Variants in HOMER3 observed in about 807,000 individuals in gnomAD.
HOMER3 encodes homer scaffold protein 3, also known as homer protein homolog 3.
In HOMER3, 34 loss-of-function variants were observed where a neutral mutation model predicts 45.5. The observed-to-expected ratio is 0.75, with a 90% CI of 0.57 to 1.00. The LOEUF (loss-of-function observed/expected upper bound fraction) is 1.00, where lower values mean the gene tolerates loss of function less well. Ranked by LOEUF, HOMER3 falls within the 50% of genes least tolerant of loss-of-function variation. HOMER3 has a pLI of 0.00. For missense variants in HOMER3, 480 were observed against 497.5 expected (o/e 0.96, Z 0.33); for synonymous variants, 223 against 208.8 (o/e 1.07, Z -0.58).
intron 1 of HOMER3, 199 bp from the exon 2 acceptor site, chr19:18,939,248 T>C (rs772001193): frequency 6.1e-5 from 28 of 460,062 alleles, no homozygotes; most frequent in Non-Finnish European, 1.0e-4. Context: ...GAGACCATCC[T>C]GAGCAACATG....
intron 8 of HOMER3, 41 bp from the exon 9 acceptor site, chr19:18,931,452 G>A (rs1237089174): frequency 6.2e-7 from 1 of 1,612,472 alleles, no homozygotes; most frequent in Non-Finnish European, 8.5e-7. Context: ...CGGGGGTCCT[G>A]GCTTTCCCAC....
intron 5 of HOMER3, 71 bp downstream of exon 5, chr19:18,934,232 C>T: frequency 1.1e-6 from 1 of 877,588 alleles, no homozygotes; most frequent in Non-Finnish European, 1.6e-6. Flanking sequence ...ATCAAGGTCC[C>T]CCAATATCAG....
At chr19:18,931,263 C>T in intron 9 of HOMER3, 62 bp downstream of exon 9, 2 of 1,384,560 alleles carry the variant, frequency 1.4e-6, no homozygotes, top group Non-Finnish European at 2.0e-6. Flanking sequence ...AGATATTGTC[C>T]TGAGTGTCTG....
At chr19:18,933,126 G>A in intron 5 of HOMER3, 81 bp from the exon 6 acceptor site, 2 of 1,394,590 alleles carry the variant, frequency 1.4e-6, no homozygotes, top group Non-Finnish European at 9.3e-7. Flanking sequence ...TCACATCGGG[G>A]GTGCAATTGA....
rs771625826 is a variant in HOMER3 at position 18,932,944 on chromosome 19, T to C, written c.513A>G (p.Leu171=). Residue 171 remains leucine (L), a synonymous_variant, in exon 6 of 10, where the codon CTA becomes CTG. Coordinates refer to ENST00000392351, the MANE Select transcript of HOMER3 (RefSeq NM_004838.4). ...CTCACCCCTCAGACAACATCTTCTT[T>C]AGCCGCTCGCGCTCTGTGGGGCCGG... ...DAPGPTERER[L]KKMLSEGSVG... 4.2e-6 allele frequency: 6 copies of C among 1,426,686 alleles called. No homozygotes were observed. The highest frequency in any genetic ancestry group is 2.8e-5 in the East Asian group (1 of 36,228). 88.4% of individuals were successfully genotyped at this position (1,426,686 alleles called of 1,614,324 possible).
Position 18,934,871 on chromosome 19 carries a change from G to GTTT in HOMER3, c.304-464_304-462dup, listed in dbSNP as rs578069119. On this transcript the variant is annotated intron_variant, in intron 4 of 9. Coordinates refer to ENST00000392351, the MANE Select transcript of HOMER3 (RefSeq NM_004838.4). ...CAGAATGGCCCTTTTCCTGTTTTTT[G>GTTT]TTTTTTTTTTTTTTGAGATGGAGTC... Among the ~76,000 whole-genome samples, 464 of 121,756 alleles carry GTTT rather than the reference G, an allele frequency of 3.8e-3. 3 individuals carry two copies. Among genetic ancestry groups the GTTT allele is most frequent in the Admixed American group, 8.3e-3 (85 of 10,300 alleles). 79.9% of individuals were successfully genotyped at this position (121,756 alleles called of 152,430 possible). A position where few individuals can be genotyped will look rare whatever the true frequency, so the allele number is the denominator to read the frequency against.
In HOMER3 at chr19:18,933,054, G is replaced by A. The variant is rs377454855; in HGVS notation, c.412-9C>T. 9.5e-5 allele frequency: 142 copies of A among 1,488,678 alleles called. No homozygotes were observed. The African/African-American group carries it at 1.2e-3, about 12-fold the overall frequency. The allele number at this position is 1,488,678 out of a possible 1,614,324, so 92.2% of individuals were successfully genotyped here. ...AGAGGGCTCGGGGGCACCTAGGCACGGGGAAAAGAATAGGTCACGACCCCA... is the reference window on the plus strand; with the variant it reads ...AGAGGGCTCGGGGGCACCTAGGCACAGGGAAAAGAATAGGTCACGACCCCA... On this transcript the variant is annotated splice_polypyrimidine_tract_variant and intron_variant, in intron 5 of 9. Coordinates refer to ENST00000392351, the MANE Select transcript of HOMER3 (RefSeq NM_004838.4).
chr19:18,934,230 C>G, intron 5 of HOMER3, 73 bp downstream of exon 5: 2 of 835,390 alleles, frequency 2.4e-6, no homozygotes, highest in Non-Finnish European at 1.7e-6. Context: ...ATATCAAGGT[C>G]CCCCAATATC....
In HOMER3 at chr19:18,929,414, G is replaced by A. The variant is rs369173513; in HGVS notation, c.*29C>T. ...TGCAGCCTGGCCCGCATCCCAGGCC[G>A]GAATCGTTCATAGAAAACCAGCCCC... On this transcript the variant is annotated 3_prime_UTR_variant, in exon 10 of 10. Transcript: ENST00000392351. 2,508 of 1,585,086 alleles carry A rather than the reference G, an allele frequency of 1.6e-3. 4 individuals are homozygous for A. Among genetic ancestry groups the A allele is most frequent in the Non-Finnish European group, 2.0e-3 (2,362 of 1,169,356 alleles).
rs188430538 is a variant in HOMER3, at chr19:18,935,005, C to T, written c.304-595G>A. 2.0e-5 allele frequency among the ~76,000 whole-genome samples: 3 copies of T among 151,846 alleles called. No homozygotes were observed. The East Asian group carries it at 5.8e-4, about 29-fold the overall frequency. The stretch of plus-strand genomic sequence containing the variant: ...TACAGGCATGCACCAGCATGCCTGG[C>T]TAATTTTCATATTTTTAGTAGAGAT... On this transcript the variant is annotated intron_variant, in intron 4 of 9. Coordinates refer to ENST00000392351, the MANE Select transcript of HOMER3 (RefSeq NM_004838.4).
chr19:18,931,276 G>T, intron 9 of HOMER3, 49 bp downstream of exon 9: 1 of 1,465,764 alleles, frequency 6.8e-7, no homozygotes, highest in Non-Finnish European at 9.5e-7. Flanking sequence ...AGTGTCTGTT[G>T]AGGTGACTGT....
chr19:18,931,098 G>A (rs1271005056), intron 9 of HOMER3: 11 of 504,354 alleles, frequency 2.2e-5, no homozygotes, highest in Non-Finnish European at 3.9e-5. Context: ...AGGAATTGAC[G>A]GGGTCTGGCA....
intron 9 of HOMER3, 148 bp from the exon 10 acceptor site, chr19:18,929,782 CAG>C: frequency 1.7e-6 from 1 of 592,444 alleles, no homozygotes; most frequent in Non-Finnish European, 2.8e-6. Context: ...GCACACCCCA[CAG>C]GGGCCTAGCT....
In HOMER3 at chr19:18,929,259, A is replaced by G. The variant is rs2057000929; in HGVS notation, c.*184T>C. The G allele has an allele frequency of 2.6e-6, 2 of 771,174 alleles. No individual in the cohort carries two copies. Among genetic ancestry groups the G allele is most frequent in the Admixed American group, 3.4e-5 (2 of 58,998 alleles). The allele number at this position is 771,174 out of a possible 1,614,324, so 47.8% of individuals were successfully genotyped here. A position where few individuals can be genotyped will look rare whatever the true frequency, so the allele number is the denominator to read the frequency against. On this transcript the variant is annotated 3_prime_UTR_variant, in exon 10 of 10. Transcript: ENST00000392351. ...AATTCTACACAATGAGAAGCTCAAAAACAGCCCCAAAGCTGCCAACAACCA... is the reference window on the plus strand; with the variant it reads ...AATTCTACACAATGAGAAGCTCAAAGACAGCCCCAAAGCTGCCAACAACCA...
At chr19:18,939,172 GAGGCCCAA>G in intron 1 of HOMER3, 123 bp from the exon 2 acceptor site, 1 of 586,230 alleles carries the variant, frequency 1.7e-6, no homozygotes, top group East Asian at 2.8e-5. Flanking sequence ...AAAGGCAGGA[GAGGCCCAA>G]AGTACACCTG....
rs1021450587 is a variant in HOMER3, at chr19:18,929,623, G to C, written c.906C>G (p.Thr302=). 1.3e-6 allele frequency: 2 copies of C among 1,517,262 alleles called. No homozygotes were observed. Among genetic ancestry groups the C allele is most frequent in the Non-Finnish European group, 1.8e-6 (2 of 1,129,626 alleles). 94.0% of individuals were successfully genotyped at this position (1,517,262 alleles called of 1,614,324 possible). A position where few individuals can be genotyped will look rare whatever the true frequency, so the allele number is the denominator to read the frequency against. ...GCTGGTGCTCCAACTCCGCATTGCG[G>C]GTCTCCAGGTCCTGCCAGGAAAGGG... ...ETQQKVQDLE[T]RNAELEHQLR... Residue 302 remains threonine, a synonymous_variant, in exon 10 of 10, where the codon ACC becomes ACG. Coordinates refer to ENST00000392351, the MANE Select transcript of HOMER3 (RefSeq NM_004838.4).
rs2057070070 is a variant in HOMER3, at chr19:18,934,410, A to G, written c.304T>C (p.Phe102Leu). ...GFASEQHLTQ[F>L]AEKFQEVKEA... ...TTCACTTCCTGGAACTTCTCGGCAAACTAAGGGAGTGGGGAGGAAAAGACA... is the reference window on the plus strand; with the variant it reads ...TTCACTTCCTGGAACTTCTCGGCAAGCTAAGGGAGTGGGGAGGAAAAGACA... The change falls in exon 5 of 10, where the codon TTT (phenylalanine) becomes CTT (leucine). Residue 102 changes from phenylalanine (F) to leucine (L), a missense_variant and splice_region_variant. Coordinates refer to ENST00000392351, the MANE Select transcript of HOMER3 (RefSeq NM_004838.4). 1 of 1,576,820 alleles carries G rather than the reference A, an allele frequency of 6.3e-7. No individual in the cohort carries two copies.
chr19:18,932,427 A>G (rs1601276287), intron 6 of HOMER3, among the ~76,000 whole-genome samples: 16 of 125,884 alleles, frequency 1.3e-4, no homozygotes, highest in African/African-American at 2.9e-4. Flanking sequence ...GCGGGGCCAG[A>G]GGAGGGGTGG....
In HOMER3 at chr19:18,933,145, C is replaced by A. The variant is rs576194311; in HGVS notation, c.412-100G>T. On this transcript the variant is annotated intron_variant, in intron 5 of 9. Coordinates refer to ENST00000392351, the MANE Select transcript of HOMER3 (RefSeq NM_004838.4). ...ATCGGGGGTGCAATTGACCTATGCA[C>A]CCTAAGCAGGTCCTTCACAGCACAG... The A allele has an allele frequency of 4.0e-5, 55 of 1,358,324 alleles. No homozygotes were observed. In the African/African-American group the frequency reaches 6.8e-4, roughly 17 times the overall value. The allele number at this position is 1,358,324 out of a possible 1,614,324, so 84.1% of individuals were successfully genotyped here. A position where few individuals can be genotyped will look rare whatever the true frequency, so the allele number is the denominator to read the frequency against.
Sources: allele counts gnomAD v4.1 joint callset (sites outside exome capture counted in the v4.1 genomes callset), GRCh38; gene constraint gnomAD v4.1.1; transcripts MANE v1.5; gene names NCBI Gene and HGNC (gene_info 2026-07-23, HGNC 2026-07-21).